The following SORCS2 variants were observed in gnomAD, a reference collection of about 807,000 sequenced individuals.
SORCS2 encodes the protein sortilin related VPS10 domain containing receptor 2, also known as VPS10 domain-containing receptor SorCS2.
In SORCS2, 100 loss-of-function variants were observed where a neutral mutation model predicts 141.6. The ratio of observed to expected loss-of-function variants is 0.71; its 90% CI spans 0.60 to 0.83. SORCS2 has a LOEUF of 0.83. SORCS2 is among the 40% of genes least tolerant of loss of function. SORCS2 has a pLI of 0.00. For missense variants in SORCS2, 1,646 were observed against 1,560.2 expected (o/e 1.05, Z -0.93); for synonymous variants, 789 against 676.9 (o/e 1.17, Z -2.57).
intron 25 of SORCS2, 50 bp from the exon 26 acceptor site, chr4:7,737,019 C>A: frequency 1.3e-6 from 2 of 1,545,738 alleles, no homozygotes; most frequent in South Asian, 1.2e-5. Context: ...CAGGGACAGG[C>A]GGCCTGGGAA....
intron 3 of SORCS2, among the ~76,000 whole-genome samples, chr4:7,532,153 C>T (rs538327799): frequency 2.0e-5 from 3 of 152,170 alleles, no homozygotes; most frequent in Non-Finnish European, 2.9e-5. Flanking sequence ...GGCTACCCAC[C>T]GTGGGTTCCG....
In SORCS2 at chr4:7,724,115, ATGGTGG is replaced by A. The variant is rs757064728; in HGVS notation, c.2611+253_2611+258del. Among the ~76,000 whole-genome samples, 594 of 145,210 alleles carry A rather than the reference ATGGTGG, an allele frequency of 4.1e-3. 10 individuals carry two copies. Among genetic ancestry groups the A allele is most frequent in the South Asian group, 0.027 (120 of 4,510 alleles). Reference sequence around the variant, plus strand: ...GGTGATATTGATGATAGTGGTGGTGATGGTGGTGGTGGTGGTGGTGGTGGTGATGGT... The same window carrying A: ...GGTGATATTGATGATAGTGGTGGTGATGGTGGTGGTGGTGGTGGTGATGGT... On this transcript the variant is annotated intron_variant, in intron 19 of 26. Transcript: ENST00000507866.
Position 7,667,182 on chromosome 4 carries a change from T to C in SORCS2, c.1130T>C (p.Leu377Pro). ...TCTTATCGTCGAAATGAATTTGTCC[T>C]GATGAAGCTGCCGAAGTATGCATTG... Reference protein sequence around the residue: ...YVSYRRNEFVLMKLPKYALPK... With the variant: ...YVSYRRNEFVPMKLPKYALPK... The change falls in exon 8 of 27, where the codon CTG (leucine) becomes CCG (proline). Residue 377 changes from leucine to proline, a missense_variant. Coordinates refer to ENST00000507866, the MANE Select transcript of SORCS2 (RefSeq NM_020777.3). The C allele has an allele frequency of 6.2e-7, 1 of 1,613,870 alleles. No homozygotes were observed. Among genetic ancestry groups the C allele is most frequent in the Non-Finnish European group, 8.5e-7 (1 of 1,179,772 alleles).
Position 7,740,220 on chromosome 4 carries a change from C to T in SORCS2, c.3436C>T (p.Leu1146=). Residue 1146 remains leucine (L), a synonymous_variant, in exon 27 of 27, where the codon CTG becomes TTG. Transcript: ENST00000507866. The stretch of plus-strand genomic sequence containing the variant: ...CCTAGGCAACCACTCAGGCGTGGTC[C>T]TGAGCATCAACTCCCGAGAGATGCA... The part of the protein sequence containing the change: ...AVQGNHSGVV[L]SINSREMHSY... The T allele has an allele frequency of 6.2e-7, 1 of 1,609,398 alleles. No individual in the cohort carries two copies. The highest frequency in any genetic ancestry group is 8.5e-7 in the Non-Finnish European group (1 of 1,179,390).
At chr4:7,726,270 G>C (rs59076284) in intron 20 of SORCS2, among the ~76,000 whole-genome samples, 1 of 152,168 alleles carries the variant, frequency 6.6e-6, no homozygotes, top group Non-Finnish European at 1.5e-5. Flanking sequence ...AAATGCCCGT[G>C]GGGGGCAGGC....
At chr4:7,269,595 T>G (rs1261164264) in intron 1 of SORCS2, among the ~76,000 whole-genome samples, 1 of 152,164 alleles carries the variant, frequency 6.6e-6, no homozygotes, top group Non-Finnish European at 1.5e-5. Flanking sequence ...GAGAAGGCTA[T>G]GTGAAGACAG....
rs1713013765 is a variant in SORCS2 at position 7,543,939 on chromosome 4, C to CCCATCCATCCACCCAT, written c.648+12321_648+12322insCCCATCCATCCATCCA. ...ACCCATCCACCCATCCACCCATCCACCCATCCATCCATCCATCCATCCATC... is the reference window on the plus strand; with the variant it reads ...ACCCATCCACCCATCCACCCATCCACCCATCCATCCACCCATCCATCCATCCATCCATCCATCCATC... On this transcript the variant is annotated intron_variant, in intron 3 of 26. Coordinates refer to ENST00000507866, the MANE Select transcript of SORCS2 (RefSeq NM_020777.3). Among the ~76,000 whole-genome samples, 99 of 16,890 alleles carry CCCATCCATCCACCCAT rather than the reference C, an allele frequency of 5.9e-3. 3 individuals carry two copies. Among genetic ancestry groups the CCCATCCATCCACCCAT allele is most frequent in the African/African-American group, 0.017 (91 of 5,366 alleles). The allele number at this position is 16,890 out of a possible 152,430, so 11.1% of individuals were successfully genotyped here. A position where few individuals can be genotyped will look rare whatever the true frequency, so the allele number is the denominator to read the frequency against.
At chr4:7,629,155 G>T (rs534539668) in intron 3 of SORCS2, among the ~76,000 whole-genome samples, 1 of 152,214 alleles carries the variant, frequency 6.6e-6, no homozygotes, top group East Asian at 1.9e-4. Context: ...TTTAATCATT[G>T]CATGTTGTGT....
intron 1 of SORCS2, among the ~76,000 whole-genome samples, chr4:7,311,665 G>A (rs1218695382): frequency 6.6e-6 from 1 of 151,664 alleles, no homozygotes; most frequent in African/African-American, 2.4e-5. Context: ...GCTTCTTTAT[G>A]GGGGCTTATT....
At chr4:7,460,204 G>A (rs57744041) in intron 2 of SORCS2, 8,352 of 154,856 alleles carry the variant, frequency 0.054, 736 homozygotes, top group African/African-American at 0.18. Context: ...AATCCTGGGC[G>A]GGCCCAAGGG....
chr4:7,637,573 C>T (rs1237987833), intron 3 of SORCS2, among the ~76,000 whole-genome samples: 1 of 152,130 alleles, frequency 6.6e-6, no homozygotes, highest in African/African-American at 2.4e-5. Context: ...GAACAGTGCC[C>T]CGCACTCCAT....
At chr4:7,621,585 T>C (rs1168631230) in intron 3 of SORCS2, among the ~76,000 whole-genome samples, 1 of 151,726 alleles carries the variant, frequency 6.6e-6, no homozygotes, top group Non-Finnish European at 1.5e-5. Flanking sequence ...ATGTGTGTGT[T>C]TATGTGTGTG....
intron 1 of SORCS2, among the ~76,000 whole-genome samples, chr4:7,380,601 C>T (rs998121669): frequency 1.3e-5 from 2 of 152,266 alleles, no homozygotes; most frequent in Admixed American, 6.5e-5. Context: ...CCGTCATCCT[C>T]TGCTGACCCG....
At chr4:7,708,914 G>A (rs965010440) in intron 14 of SORCS2, among the ~76,000 whole-genome samples, 3 of 152,164 alleles carry the variant, frequency 2.0e-5, no homozygotes, top group African/African-American at 4.8e-5. Flanking sequence ...GATGTTTGCC[G>A]TTTTCCCTGA....
chr4:7,478,019 C>T (rs1434890556), intron 2 of SORCS2, among the ~76,000 whole-genome samples: 2 of 152,166 alleles, frequency 1.3e-5, no homozygotes, highest in African/African-American at 2.4e-5. Flanking sequence ...CTGCTGGAGC[C>T]CCAGGGCCCA....
At chr4:7,333,632 C>A (rs897328204) in intron 1 of SORCS2, among the ~76,000 whole-genome samples, 1 of 152,170 alleles carries the variant, frequency 6.6e-6, no homozygotes, top group Non-Finnish European at 1.5e-5. Flanking sequence ...TGGCCAGGCC[C>A]CTGACTGCGT....
At chr4:7,691,819 G>C (rs1484780675) in intron 11 of SORCS2, among the ~76,000 whole-genome samples, 1 of 151,934 alleles carries the variant, frequency 6.6e-6, no homozygotes, top group African/African-American at 2.4e-5. Context: ...GTGCAAAAAG[G>C]CATGATTTCC....
chr4:7,633,457 C>T (rs372332331), intron 3 of SORCS2, among the ~76,000 whole-genome samples: 3 of 152,182 alleles, frequency 2.0e-5, no homozygotes, highest in East Asian at 1.9e-4. Flanking sequence ...TCCAGGAAGC[C>T]GTCCTACCTG....
chr4:7,593,401 G>A (rs1012968260), intron 3 of SORCS2, among the ~76,000 whole-genome samples: 1 of 152,218 alleles, frequency 6.6e-6, no homozygotes, highest in African/African-American at 2.4e-5. Flanking sequence ...GTCTTCATTG[G>A]AAAGCAGGCT....
Sources: gnomAD v4.1 joint callset for allele counts (sites outside exome capture counted in the v4.1 genomes callset) on GRCh38, gnomAD v4.1.1 for gene constraint, MANE v1.5 for transcripts, NCBI Gene and HGNC (gene_info 2026-07-23, HGNC 2026-07-21) for gene names.